TMC3: variants seen among roughly 807,000 people sequenced by gnomAD.
The protein encoded by TMC3 is transmembrane channel like 3, also known as transmembrane channel-like protein 3.
Under a neutral mutation model 110.6 loss-of-function variants are expected in TMC3, and 98 were observed. The observed-to-expected ratio is 0.89, with a 90% CI of 0.75 to 1.05. TMC3 has a LOEUF of 1.05. TMC3 is among the 50% of genes least tolerant of loss of function. The pLI, the probability that TMC3 is intolerant of heterozygous loss-of-function variation, is 0.00. For missense variants in TMC3, 1,319 were observed against 1,373.2 expected (o/e 0.96, Z 0.62); for synonymous variants, 489 against 513.1 (o/e 0.95, Z 0.63).
intron 7 of TMC3, among the ~76,000 whole-genome samples, chr15:81,356,914 C>T (rs1293471869): frequency 6.6e-6 from 1 of 152,224 alleles, no homozygotes; most frequent in East Asian, 1.9e-4. Context: ...CATCTCTTTG[C>T]AGCTGTGATT....
At chr15:81,342,233 C>T (rs4622471) in intron 15 of TMC3, among the ~76,000 whole-genome samples, 63,169 of 152,030 alleles carry the variant, frequency 0.42, 15,702 homozygotes, top group Non-Finnish European at 0.56. Context: ...ATATTGGATA[C>T]GTATTCAATC....
chr15:81,340,367 T>A (rs1893688849), intron 16 of TMC3, among the ~76,000 whole-genome samples: 1 of 152,138 alleles, frequency 6.6e-6, no homozygotes, highest in Non-Finnish European at 1.5e-5. Flanking sequence ...TACATACATA[T>A]AATAAATATA....
chr15:81,359,431 C>T lies in TMC3; in HGVS notation c.435G>A (p.Leu145=). 6.2e-7 allele frequency: 1 copy of T among 1,604,342 alleles called. No homozygotes were observed. The highest frequency in any genetic ancestry group is 1.3e-5 in the African/African-American group (1 of 74,744). ...CAATATTAATTCCAAATAACCATCT[C>T]AAGAATATGAAATAGGAGGCAACGC... ...GSGVASYFIF[L]RWLFGINIVL... Residue 145 remains leucine, a synonymous_variant, in exon 5 of 22, where the codon TTG becomes TTA. Transcript: ENST00000359440.
rs1195194504 is a variant in TMC3, at chr15:81,344,785, C to T, written c.1499G>A (p.Trp500Ter). The change falls in exon 13 of 22, where the codon TGG (tryptophan) becomes TAG (stop). Residue 500 changes from tryptophan (W) to a stop codon, truncating the protein, a stop_gained. Transcript: ENST00000359440. LOFTEE classifies it high-confidence loss of function. ...AACCACCTGACCAACGTATGTCTCC[C>T]AGCACTGGTCTTGTGGACTCTGAGT... ...LHTQSPQDQC[W>*]ETYVGQEMLK... The T allele has an allele frequency of 6.2e-7, 1 of 1,613,894 alleles. No homozygotes were observed. The highest frequency in any genetic ancestry group is 2.2e-5 in the East Asian group (1 of 44,882).
Position 81,332,606 on chromosome 15 carries a change from G to A in TMC3, c.3116C>T (p.Thr1039Met), listed in dbSNP as rs759884779. Residue 1039 changes from threonine (T) to methionine (M), a missense_variant, in exon 22 of 22, where the codon ACG (threonine) becomes ATG (methionine). By Grantham distance (81) the Thr-to-Met change is moderately conservative. Transcript: ENST00000359440. The part of the protein sequence containing the change: ...RGKPRFEPSL[T>M]ESDSVSAASS... Reference sequence around the variant, plus strand: ...TGCTGCCGACACGGAGTCAGATTCCGTGAGGGATGGCTCGAACCTGGGCTT... The same window carrying A: ...TGCTGCCGACACGGAGTCAGATTCCATGAGGGATGGCTCGAACCTGGGCTT... The A allele has an allele frequency of 2.0e-5, 32 of 1,613,992 alleles. No homozygotes were observed. Among genetic ancestry groups the A allele is most frequent in the Middle Eastern group, 3.3e-4 (2 of 6,062 alleles).
At chr15:81,360,825 G>A (rs1894171968) in intron 4 of TMC3, among the ~76,000 whole-genome samples, 1 of 152,086 alleles carries the variant, frequency 6.6e-6, no homozygotes, top group African/African-American at 2.4e-5. Context: ...TAGTCCTGGG[G>A]CAATTCTCTG....
Position 81,374,202 on chromosome 15 carries a change from A to G in TMC3, c.-125T>C. 1.3e-6 allele frequency: 1 copy of G among 767,350 alleles called. No individual in the cohort carries two copies. Among genetic ancestry groups the G allele is most frequent in the South Asian group, 1.6e-5 (1 of 64,132 alleles). The allele number at this position is 767,350 out of a possible 1,614,324, so 47.5% of individuals were successfully genotyped here. On this transcript the variant is annotated 5_prime_UTR_variant, in exon 1 of 22. Transcript: ENST00000359440. ...TTGCTCTGCCCGCTAGTTCTCAGGA[A>G]GAAGACTGTGTGCTTGCAGCTGGTG... is the stretch of plus-strand genomic sequence containing the variant.
At chr15:81,351,360 T>C (rs1270012786) in intron 10 of TMC3, among the ~76,000 whole-genome samples, 1 of 149,108 alleles carries the variant, frequency 6.7e-6, no homozygotes, top group East Asian at 1.9e-4. Context: ...TTTTTTTTTT[T>C]TTTTTTTTTT....
At chr15:81,336,749 T>C (rs1156337342) in intron 19 of TMC3, 98 bp from the exon 20 acceptor site, 1 of 1,265,426 alleles carries the variant, frequency 7.9e-7, no homozygotes, top group African/African-American at 1.5e-5. Flanking sequence ...CATGCCATAG[T>C]TCTTACCTTG....
At chr15:81,362,384 A>G in intron 3 of TMC3, 83 bp from the exon 4 acceptor site, 1 of 1,036,378 alleles carries the variant, frequency 9.6e-7, no homozygotes, top group Non-Finnish European at 1.5e-6. Context: ...TAAATGGAGT[A>G]TACCAGACAC....
chr15:81,365,030 C>A (rs1894279572), intron 3 of TMC3, among the ~76,000 whole-genome samples: 1 of 152,176 alleles, frequency 6.6e-6, no homozygotes, highest in Admixed American at 6.5e-5. Flanking sequence ...GTGTTGCCAA[C>A]TAAACCTTGG....
In TMC3 at chr15:81,333,062, T is replaced by C; in HGVS notation, c.2660A>G (p.Tyr887Cys). 2 of 1,613,988 alleles carry C rather than the reference T, an allele frequency of 1.2e-6. No homozygotes were observed. Among genetic ancestry groups the C allele is most frequent in the Non-Finnish European group, 1.7e-6 (2 of 1,179,880 alleles). The change falls in exon 22 of 22, where the codon TAC (tyrosine) becomes TGC (cysteine). Residue 887 changes from tyrosine to cysteine, a missense_variant. Physicochemically the swap from Tyr to Cys is radical, Grantham distance 194 (BLOSUM62 -2). Transcript: ENST00000359440. ...AGAGTCACATTCATTAATGACATAG[T>C]ATCTGGGGGCGTGGGGCCTGGGACC... ...AQGPRPHAPR[Y>C]YVINECDSYK...
rs765613466 is a variant in TMC3, at chr15:81,337,924, G to T, written c.2082C>A (p.Phe694Leu). Residue 694 changes from phenylalanine to leucine, a missense_variant and splice_region_variant, in exon 19 of 22, where the codon TTC becomes TTA. Physicochemically the swap from Phe to Leu is conservative, Grantham distance 22. Transcript: ENST00000359440. Reference protein sequence around the residue: ...VVILPAVLLLFMLIYYLQSIA... With the variant: ...VVILPAVLLLLMLIYYLQSIA... ...TGCTCTGGAGATAATAGATGAGCAT[G>T]CTAGGACAGAACAACACAGGACAAT... The T allele has an allele frequency of 5.0e-6, 8 of 1,613,016 alleles. No individual in the cohort carries two copies. The highest frequency in any genetic ancestry group is 6.8e-6 in the Non-Finnish European group (8 of 1,178,970).
chr15:81,337,559 G>T (rs1426390995), intron 19 of TMC3: 1 of 518,460 alleles, frequency 1.9e-6, no homozygotes, highest in Non-Finnish European at 3.5e-6. Context: ...CACACTGAGG[G>T]CTTGGTGTGG....
At chr15:81,356,414 A>T (rs1894061989) in intron 8 of TMC3, 33 bp downstream of exon 8, 2 of 1,549,312 alleles carry the variant, frequency 1.3e-6, no homozygotes, top group African/African-American at 2.7e-5. Flanking sequence ...TGAGCTGCCC[A>T]CCCCCGCAGG....
intron 3 of TMC3, among the ~76,000 whole-genome samples, chr15:81,367,156 T>C (rs1894333575): frequency 6.6e-6 from 1 of 152,168 alleles, no homozygotes; most frequent in Non-Finnish European, 1.5e-5. Flanking sequence ...CGTAGGGCTA[T>C]TAATAATAAT....
rs1422105525 is a variant in TMC3 at position 81,341,407 on chromosome 15, T to G, written c.1827A>C (p.Gln609His). Reference protein sequence around the residue: ...AVLTCNVPHQQVFRASRSNNF... With the variant: ...AVLTCNVPHQHVFRASRSNNF... Reference sequence around the variant, plus strand: ...TTACTCACCTTGAGGCTCGAAATACTTGCTGGTGGGGCACATTGCAGGTCA... The same window carrying G: ...TTACTCACCTTGAGGCTCGAAATACGTGCTGGTGGGGCACATTGCAGGTCA... The change falls in exon 16 of 22, where the codon CAA becomes CAC. Residue 609 changes from glutamine to histidine, a missense_variant. Coordinates refer to ENST00000359440, the MANE Select transcript of TMC3 (RefSeq NM_001080532.3). 6.2e-7 allele frequency: 1 copy of G among 1,611,388 alleles called. No homozygotes were observed. The highest frequency in any genetic ancestry group is 8.5e-7 in the Non-Finnish European group (1 of 1,178,714).
chr15:81,355,526 G>T (rs1399527724), intron 9 of TMC3, among the ~76,000 whole-genome samples, 199 bp downstream of exon 9: 1 of 152,166 alleles, frequency 6.6e-6, no homozygotes, highest in African/African-American at 2.4e-5. Context: ...CTTGTTACAG[G>T]ATCTATGGAA....
intron 4 of TMC3, among the ~76,000 whole-genome samples, chr15:81,361,683 C>G (rs1894190766): frequency 6.6e-6 from 1 of 151,992 alleles, no homozygotes; most frequent in African/African-American, 2.4e-5. Context: ...AATATTAAAT[C>G]TTCATATGTG....
Sources: gnomAD v4.1 joint callset for allele counts (sites outside exome capture counted in the v4.1 genomes callset) on GRCh38, gnomAD v4.1.1 for gene constraint, MANE v1.5 for transcripts, NCBI Gene and HGNC (gene_info 2026-07-23, HGNC 2026-07-21) for gene names.